Variants in MRAP2 observed in about 807,000 individuals in gnomAD.
MRAP2 encodes the protein melanocortin 2 receptor accessory protein 2, also known as melanocortin-2 receptor accessory protein 2.
MRAP2 carries 20 observed loss-of-function variants against 17.4 expected under a neutral mutation model. The ratio of observed to expected loss-of-function variants is 1.15; its 90% CI spans 0.81 to 1.67. MRAP2 has a LOEUF of 1.67. Ranked by LOEUF, MRAP2 falls within the 40% of genes most tolerant of loss-of-function variation. MRAP2 has a pLI of 0.00. For synonymous variants in MRAP2, 96 were observed against 88.4 expected, an observed-to-expected ratio of 1.09 and a Z score of -0.48; for missense variants, 238 against 240.0, an observed-to-expected ratio of 0.99 and a Z score of 0.05.
downstream of MRAP2, among the ~76,000 whole-genome samples, chr6:84,092,806 A>G (rs1473231345): frequency 6.6e-6 from 1 of 152,188 alleles, no homozygotes; most frequent in East Asian, 1.9e-4. Context: ...TTGGTTGAAA[A>G]AAAATCTGCA....
the MRAP2 span, among the ~76,000 whole-genome samples, chr6:84,144,235 T>C: frequency 3.0e-3 from 457 of 152,160 alleles, 2 homozygotes; most frequent in African/African-American, 0.01. Flanking sequence ...ACAGGAATCA[T>C]TGTCAAATAA....
At chr6:84,034,500 CCCCCGCCCG>C (rs1302200486) in intron 1 of MRAP2, among the ~76,000 whole-genome samples, 3 of 142,180 alleles carry the variant, frequency 2.1e-5, no homozygotes, top group African/African-American at 8.1e-5. Flanking sequence ...GCCCCCGCTC[CCCCCGCCCG>C]CCCCGCGCCC....
intron 2 of MRAP2, among the ~76,000 whole-genome samples, chr6:84,055,927 T>A (rs1266562551): frequency 1.3e-5 from 2 of 152,214 alleles, no homozygotes; most frequent in African/African-American, 4.8e-5. Context: ...CGATCATTTC[T>A]AACACTGTGT....
At chr6:84,047,122 C>T (rs977602332) in intron 1 of MRAP2, among the ~76,000 whole-genome samples, 7 of 151,982 alleles carry the variant, frequency 4.6e-5, no homozygotes, top group Non-Finnish European at 8.8e-5. Flanking sequence ...TTACCCTCCC[C>T]TCAAGTGCTG....
chr6:84,114,963 G>A, the MRAP2 span, among the ~76,000 whole-genome samples: 1 of 152,310 alleles, frequency 6.6e-6, no homozygotes, highest in African/African-American at 2.4e-5. Context: ...TCCCAGAGGG[G>A]CACCCGTCAG....
chr6:84,049,116 G>A (rs1479330897), intron 1 of MRAP2, among the ~76,000 whole-genome samples: 1 of 152,080 alleles, frequency 6.6e-6, no homozygotes, highest in African/African-American at 2.4e-5. Flanking sequence ...ACAGAGCCAG[G>A]AAACACTCAC....
chr6:84,053,972 G>C (rs918214802), intron 1 of MRAP2, among the ~76,000 whole-genome samples: 10 of 152,062 alleles, frequency 6.6e-5, no homozygotes, highest in African/African-American at 1.9e-4. Flanking sequence ...ATGCAGAAGT[G>C]GGGTGGAAGG....
chr6:84,054,583 G>A (rs187590829), intron 1 of MRAP2, among the ~76,000 whole-genome samples: 1 of 152,236 alleles, frequency 6.6e-6, no homozygotes, highest in Admixed American at 6.5e-5. Flanking sequence ...CAAACCCACT[G>A]GAAGCAAGAA....
the MRAP2 span, among the ~76,000 whole-genome samples, chr6:84,136,821 T>C: frequency 6.6e-6 from 1 of 152,230 alleles, no homozygotes; most frequent in South Asian, 2.1e-4. Context: ...GATAACTTTT[T>C]TCTTCTGCAT....
chr6:84,094,157 T>C (rs1349757088), downstream of MRAP2, among the ~76,000 whole-genome samples: 1 of 152,196 alleles, frequency 6.6e-6, no homozygotes, highest in African/African-American at 2.4e-5. Flanking sequence ...CTTAAATGGA[T>C]AAAATGATCC....
chr6:84,094,304 A>G (rs537524908), downstream of MRAP2, among the ~76,000 whole-genome samples: 1 of 152,222 alleles, frequency 6.6e-6, no homozygotes, highest in Non-Finnish European at 1.5e-5. Context: ...CTGATGATGA[A>G]TCTCCTAATT....
chr6:84,040,102 C>T (rs754273965), intron 1 of MRAP2, among the ~76,000 whole-genome samples: 66 of 152,272 alleles, frequency 4.3e-4, no homozygotes, highest in Non-Finnish European at 6.0e-4. Flanking sequence ...GGGAGGGACC[C>T]ACTGGGAGGT....
At chr6:84,104,455 T>C in the MRAP2 span, among the ~76,000 whole-genome samples, 1 of 152,248 alleles carries the variant, frequency 6.6e-6, no homozygotes, top group African/African-American at 2.4e-5. Flanking sequence ...AAATGGGATT[T>C]TCTTTTCTAT....
the MRAP2 span, among the ~76,000 whole-genome samples, chr6:84,118,911 A>C: frequency 1.6e-4 from 24 of 152,186 alleles, no homozygotes; most frequent in Non-Finnish European, 3.4e-4. Context: ...GTGGATATCT[A>C]GTGTTCTTGA....
chr6:84,100,120 A>G, the MRAP2 span, among the ~76,000 whole-genome samples: 2 of 152,154 alleles, frequency 1.3e-5, no homozygotes, highest in African/African-American at 4.8e-5. Flanking sequence ...TTGGCCTCCC[A>G]AAGTGCTGGG....
chr6:84,140,397 C>A, the MRAP2 span, among the ~76,000 whole-genome samples: 1 of 152,104 alleles, frequency 6.6e-6, no homozygotes, highest in East Asian at 1.9e-4. Context: ...GTCTGCAGAG[C>A]AATGAAGGTC....
the MRAP2 span, among the ~76,000 whole-genome samples, chr6:84,143,430 G>A: frequency 6.6e-6 from 1 of 151,796 alleles, no homozygotes; most frequent in East Asian, 1.9e-4. Context: ...TAAAGATAAG[G>A]GAAACAACTT....
downstream of MRAP2, among the ~76,000 whole-genome samples, chr6:84,091,070 T>C (rs1021019212): frequency 2.0e-5 from 3 of 152,110 alleles, no homozygotes; most frequent in Admixed American, 2.0e-4. Flanking sequence ...CCCTTTTCTA[T>C]TGTGTATTTT....
chr6:84,106,099 T>C, the MRAP2 span, among the ~76,000 whole-genome samples: 3 of 152,280 alleles, frequency 2.0e-5, no homozygotes, highest in South Asian at 6.2e-4. Context: ...TCACTGTAAC[T>C]GTATCTTCAA....
Sources: gnomAD v4.1 joint callset for allele counts (sites outside exome capture counted in the v4.1 genomes callset) on GRCh38, gnomAD v4.1.1 for gene constraint, MANE v1.5 for transcripts, NCBI Gene and HGNC (gene_info 2026-07-23, HGNC 2026-07-21) for gene names.